ATF7IP2: variants seen among roughly 807,000 people sequenced by gnomAD.
ATF7IP2 encodes the protein activating transcription factor 7 interacting protein 2.
A neutral mutation model predicts 64.2 loss-of-function variants in ATF7IP2; 42 were observed. That is an observed-to-expected ratio of 0.65 (90% CI 0.51 to 0.85). The LOEUF (loss-of-function observed/expected upper bound fraction) is 0.85. Among genes scored for constraint, ATF7IP2 ranks in the 40% least tolerant of loss-of-function variants. The pLI, the probability that ATF7IP2 is intolerant of heterozygous loss-of-function variation, is 0.00. For synonymous variants in ATF7IP2, 308 were observed against 272.8 expected, an observed-to-expected ratio of 1.13 and a Z score of -1.27; for missense variants, 933 against 784.2, an observed-to-expected ratio of 1.19 and a Z score of -2.27.
At chr16:10,443,187 A>T (rs2048687324) in intron 8 of ATF7IP2, among the ~76,000 whole-genome samples, 1 of 152,218 alleles carries the variant, frequency 6.6e-6, no homozygotes, top group African/African-American at 2.4e-5. Context: ...GGGCAGACTG[A>T]TTGGTAAGCT....
intron 3 of ATF7IP2, among the ~76,000 whole-genome samples, chr16:10,421,034 C>G (rs1400893059): frequency 6.6e-6 from 1 of 152,186 alleles, no homozygotes; most frequent in Admixed American, 6.5e-5. Flanking sequence ...AGAATATCCA[C>G]AAAGTCAGCT....
At chr16:10,429,758 A>ATT (rs1555507628) in intron 4 of ATF7IP2, among the ~76,000 whole-genome samples, 3 of 128,626 alleles carry the variant, frequency 2.3e-5, no homozygotes, top group African/African-American at 8.4e-5. Flanking sequence ...ATTTTATTTT[A>ATT]TTATTTTATT....
In ATF7IP2 at chr16:10,397,641, C is replaced by T. The variant is rs1428110455; in HGVS notation, c.-242+11519C>T. ...CCTACAATCCCAGGACTTTGGGAGG[C>T]CAAAGCGGGTGAATCGTTTGAGCTT... is the stretch of plus-strand genomic sequence containing the variant. On this transcript the variant is annotated intron_variant, in intron 1 of 13. Transcript: ENST00000562102. Among the ~76,000 whole-genome samples the T allele has an allele frequency of 2.0e-5, 3 of 152,054 alleles. No individual in the cohort carries two copies. In the East Asian group the frequency reaches 5.8e-4, roughly 29 times the overall value.
Position 10,431,456 on chromosome 16 carries a change from G to A in ATF7IP2, c.835+1G>A, listed in dbSNP as rs527589745. 5 of 1,571,636 alleles carry A rather than the reference G, an allele frequency of 3.2e-6. No individual in the cohort carries two copies. In the South Asian group the frequency reaches 5.8e-5, roughly 18 times the overall value. On this transcript the variant is annotated splice_donor_variant, in intron 5 of 13. Coordinates refer to ENST00000562102, the MANE Select transcript of ATF7IP2 (RefSeq NM_001393719.1). LOFTEE classifies it high-confidence loss of function. ...TCATCACTTGACACTAATAACAACA[G>A]TAAGTATATACTTATGCACCTTTTA...
intron 1 of ATF7IP2, chr16:10,386,913 C>T (rs1427527733): frequency 6.6e-6 from 1 of 152,138 alleles, no homozygotes; most frequent in Non-Finnish European, 1.5e-5. Context: ...GGACTTTCTA[C>T]CTTTCCGTGT....
intron 12 of ATF7IP2, among the ~76,000 whole-genome samples, chr16:10,478,976 G>GCAAT (rs879644000): frequency 1.2e-3 from 180 of 151,822 alleles, no homozygotes; most frequent in Non-Finnish European, 2.2e-3. Context: ...AGTTAGAATG[G>GCAAT]CAATCATTAA....
At chr16:10,477,660 A>C (rs2050062174) in intron 12 of ATF7IP2, among the ~76,000 whole-genome samples, 1 of 151,864 alleles carries the variant, frequency 6.6e-6, no homozygotes, top group Non-Finnish European at 1.5e-5. Flanking sequence ...GCAATTAGGC[A>C]GGAGAAGGAA....
At chr16:10,443,834 G>A (rs2048712180) in intron 8 of ATF7IP2, among the ~76,000 whole-genome samples, 3 of 152,300 alleles carry the variant, frequency 2.0e-5, no homozygotes, top group Middle Eastern at 3.4e-3. Context: ...TGGTAGTGGA[G>A]AGAAGAACTG....
chr16:10,459,586 G>T (rs1410506729), intron 9 of ATF7IP2, among the ~76,000 whole-genome samples: 2 of 152,130 alleles, frequency 1.3e-5, no homozygotes, highest in Non-Finnish European at 2.9e-5. Context: ...GGCAGAGGCT[G>T]CAGTGAGCTG....
At chr16:10,415,903 A>C (rs929295782) in intron 2 of ATF7IP2, among the ~76,000 whole-genome samples, 1 of 152,220 alleles carries the variant, frequency 6.6e-6, no homozygotes, top group Non-Finnish European at 1.5e-5. Flanking sequence ...CTACAGTGAG[A>C]TATCACACCT....
intron 8 of ATF7IP2, chr16:10,449,821 C>G (rs2048928651): frequency 1.3e-5 from 2 of 152,052 alleles, no homozygotes; most frequent in Admixed American, 6.6e-5. Flanking sequence ...TCTCTATCTC[C>G]TTCAGTTCTG....
chr16:10,455,653 C>T (rs967172830), intron 8 of ATF7IP2, among the ~76,000 whole-genome samples: 1 of 152,014 alleles, frequency 6.6e-6, no homozygotes, highest in Non-Finnish European at 1.5e-5. Flanking sequence ...TTATAAAAAG[C>T]CTAGATTACC....
intron 1 of ATF7IP2, among the ~76,000 whole-genome samples, chr16:10,389,028 T>C (rs1426466868): frequency 6.6e-6 from 1 of 151,330 alleles, no homozygotes; most frequent in African/African-American, 2.4e-5. Flanking sequence ...AAAAAAATTA[T>C]AGTGGGAAAT....
intron 1 of ATF7IP2, among the ~76,000 whole-genome samples, chr16:10,407,322 G>C (rs2353908): frequency 0.52 from 78,774 of 151,958 alleles, 20,990 homozygotes; most frequent in East Asian, 0.69. Context: ...TTAAGATCTG[G>C]AACACAACAA....
chr16:10,414,469 C>T (rs1665269624), intron 1 of ATF7IP2, 105 bp from the exon 2 acceptor site: 2 of 151,804 alleles, frequency 1.3e-5, no homozygotes, highest in South Asian at 4.2e-4. Context: ...AAGATTTCTC[C>T]CCTTATTTCT....
rs377051441 is a variant in ATF7IP2, at chr16:10,471,780, GAAGT to G, written c.1353-324_1353-321del. 6.7e-4 allele frequency: 108 copies of G among 161,812 alleles called. No homozygotes were observed. The East Asian group carries it at 0.016, about 24-fold the overall frequency. The allele number at this position is 161,812 out of a possible 1,614,324, so 10.0% of individuals were successfully genotyped here. The stretch of plus-strand genomic sequence containing the variant: ...CATTACATGATGTTTCATTTTTATA[GAAGT>G]AAGTATATACGCTCAAAGGAATTTG... On this transcript the variant is annotated intron_variant, in intron 9 of 13. Transcript: ENST00000562102.
chr16:10,425,054 ATTTTTTTTT>A (rs59143669), intron 3 of ATF7IP2, among the ~76,000 whole-genome samples: 3 of 132,196 alleles, frequency 2.3e-5, no homozygotes, highest in African/African-American at 8.7e-5. Flanking sequence ...TTTATATCAG[ATTTTTTTTT>A]TTTTTTTTTT....
chr16:10,409,128 G>T (rs985774714), intron 1 of ATF7IP2, among the ~76,000 whole-genome samples: 2 of 152,158 alleles, frequency 1.3e-5, no homozygotes, highest in African/African-American at 4.8e-5. Context: ...GGGTAGGCGG[G>T]TCAGACTGCA....
chr16:10,464,673 C>T (rs1168939853), intron 9 of ATF7IP2, among the ~76,000 whole-genome samples: 2 of 152,082 alleles, frequency 1.3e-5, no homozygotes, highest in African/African-American at 4.8e-5. Flanking sequence ...AATATTAATC[C>T]TGCCTAAAAA....
Sources: allele counts gnomAD v4.1 joint callset (sites outside exome capture counted in the v4.1 genomes callset), GRCh38; gene constraint gnomAD v4.1.1; transcripts MANE v1.5; gene names NCBI Gene and HGNC (gene_info 2026-07-23, HGNC 2026-07-21).